CCDC88C: variants seen among roughly 807,000 people sequenced by gnomAD.
CCDC88C encodes the protein protein Daple.
A neutral mutation model predicts 198.8 loss-of-function variants in CCDC88C; 131 were observed. That is an observed-to-expected ratio of 0.66 (90% confidence interval 0.57 to 0.76). The LOEUF is 0.76. CCDC88C is among the 30% of genes least tolerant of loss of function. The pLI is 0.00. For synonymous variants in CCDC88C, 1,166 were observed against 1,114.7 expected (o/e 1.05, Z -0.92); for missense variants, 2,553 against 2,631.6 (o/e 0.97, Z 0.65).
intron 3 of CCDC88C, among the ~76,000 whole-genome samples, chr14:91,396,816 G>C (rs1424738292): frequency 6.6e-6 from 1 of 152,126 alleles, no homozygotes; most frequent in East Asian, 1.9e-4. Flanking sequence ...GCAACACAGG[G>C]AGACTCTGTC....
intron 16 of CCDC88C, 36 bp downstream of exon 16, chr14:91,309,823 G>C: frequency 1.3e-6 from 2 of 1,587,834 alleles, no homozygotes; most frequent in Non-Finnish European, 1.7e-6. Context: ...TGGAGGAAGT[G>C]CTCCCACGAT....
intron 3 of CCDC88C, among the ~76,000 whole-genome samples, chr14:91,385,800 T>TAA (rs35840990): frequency 3.4e-5 from 5 of 147,914 alleles, no homozygotes; most frequent in Admixed American, 6.7e-5. Flanking sequence ...CCTGCCTCTT[T>TAA]AAAAAAAAAA....
chr14:91,384,318 A>C, intron 3 of CCDC88C: 1 of 356,340 alleles, frequency 2.8e-6, no homozygotes, highest in South Asian at 2.1e-5. Flanking sequence ...TTAGGCTGCA[A>C]AAACAAAAAC....
intron 3 of CCDC88C, among the ~76,000 whole-genome samples, chr14:91,390,096 TAA>T (rs373819677): frequency 3.7e-5 from 5 of 135,440 alleles, no homozygotes; most frequent in African/African-American, 1.4e-4. Flanking sequence ...AGAAAAAGGA[TAA>T]AAAAAAAAAA....
chr14:91,304,769 T>C (rs1490691182), intron 19 of CCDC88C, among the ~76,000 whole-genome samples: 1 of 152,222 alleles, frequency 6.6e-6, no homozygotes, highest in Non-Finnish European at 1.5e-5. Flanking sequence ...TCCCAAATCA[T>C]TTTATGAAGC....
chr14:91,388,335 T>C (rs1885276134), intron 3 of CCDC88C, among the ~76,000 whole-genome samples: 1 of 152,170 alleles, frequency 6.6e-6, no homozygotes, highest in South Asian at 2.1e-4. Context: ...CCACCTCCCA[T>C]GTAAAATGAG....
At chr14:91,368,352 ATTTG>A (rs1177659899) in intron 3 of CCDC88C, among the ~76,000 whole-genome samples, 1 of 152,224 alleles carries the variant, frequency 6.6e-6, no homozygotes, top group Non-Finnish European at 1.5e-5. Flanking sequence ...AAAGCTTCGA[ATTTG>A]TTTTAGAATT....
At chr14:91,331,871 C>A (rs1220021302) in intron 10 of CCDC88C, among the ~76,000 whole-genome samples, 2 of 152,154 alleles carry the variant, frequency 1.3e-5, no homozygotes, top group Non-Finnish European at 2.9e-5. Context: ...CTGTGCCCAG[C>A]TAGGTCTCTG....
intron 3 of CCDC88C, among the ~76,000 whole-genome samples, chr14:91,398,176 A>G (rs1423574583): frequency 6.6e-6 from 1 of 152,180 alleles, no homozygotes; most frequent in East Asian, 1.9e-4. Context: ...CTGCTATCTG[A>G]TATGCCTGGA....
At chr14:91,405,527 T>C (rs1039080073) in intron 3 of CCDC88C, among the ~76,000 whole-genome samples, 4 of 152,040 alleles carry the variant, frequency 2.6e-5, no homozygotes, top group Non-Finnish European at 4.4e-5. Context: ...GTTATGTTTG[T>C]GCTATAATGT....
At chr14:91,382,350 C>T (rs916984834) in intron 3 of CCDC88C, among the ~76,000 whole-genome samples, 1 of 152,134 alleles carries the variant, frequency 6.6e-6, no homozygotes, top group Admixed American at 6.5e-5. Flanking sequence ...TTCCAGAGAC[C>T]CTTTCAACAT....
chr14:91,308,712 C>T (rs182598477), intron 16 of CCDC88C, among the ~76,000 whole-genome samples: 5 of 152,160 alleles, frequency 3.3e-5, no homozygotes, highest in African/African-American at 9.7e-5. Flanking sequence ...GGCGACACCA[C>T]GGCTACAGTT....
At chr14:91,302,203 C>T (rs578103331) in intron 20 of CCDC88C, among the ~76,000 whole-genome samples, 1 of 152,178 alleles carries the variant, frequency 6.6e-6, no homozygotes, top group African/African-American at 2.4e-5. Flanking sequence ...GGCTCCTGAC[C>T]GTGGAGATGT....
At chr14:91,322,189 G>T (rs543872687) in intron 12 of CCDC88C, among the ~76,000 whole-genome samples, 1 of 152,248 alleles carries the variant, frequency 6.6e-6, no homozygotes, top group African/African-American at 2.4e-5. Context: ...CTAATACAGC[G>T]ATTCCTCCCC....
intron 4 of CCDC88C, among the ~76,000 whole-genome samples, chr14:91,349,624 C>T (rs1893697184): frequency 6.6e-6 from 1 of 152,200 alleles, no homozygotes; most frequent in South Asian, 2.1e-4. Flanking sequence ...CTGGGGGAAT[C>T]CCAGGACGGC....
chr14:91,358,659 G>A (rs1246074241), intron 4 of CCDC88C, among the ~76,000 whole-genome samples: 1 of 152,164 alleles, frequency 6.6e-6, no homozygotes, highest in Non-Finnish European at 1.5e-5. Context: ...CATTTAATTT[G>A]GTCTTTCTTT....
At chr14:91,358,990 A>G (rs1000835003) in intron 4 of CCDC88C, among the ~76,000 whole-genome samples, 1 of 152,168 alleles carries the variant, frequency 6.6e-6, no homozygotes, top group East Asian at 1.9e-4. Flanking sequence ...TCTCTTGTCT[A>G]AGGTACCACA....
chr14:91,299,877 G>A (rs1415665130), intron 21 of CCDC88C, 50 bp downstream of exon 21: 1 of 1,520,334 alleles, frequency 6.6e-7, no homozygotes, highest in South Asian at 1.2e-5. Context: ...AGGAGAGTCT[G>A]AACAGAATCT....
chr14:91,339,819 G>A lies in CCDC88C; in HGVS notation c.624+65C>T. ...CGAGGCGTCTAGGCTGAAGATGAAGGGAGAGGAGATGAAGGGGCCTAAGCC... is the reference window on the plus strand; with the variant it reads ...CGAGGCGTCTAGGCTGAAGATGAAGAGAGAGGAGATGAAGGGGCCTAAGCC... On this transcript the variant is annotated intron_variant, in intron 7 of 29. Coordinates refer to ENST00000389857, the MANE Select transcript of CCDC88C (RefSeq NM_001080414.4). This position sits in a 1 kb window ranked among gnomAD's most constrained non-coding sequence, Gnocchi z 5.8. 2.0e-6 allele frequency: 3 copies of A among 1,483,962 alleles called. No individual in the cohort carries two copies. The highest frequency in any genetic ancestry group is 4.9e-5 in the East Asian group (2 of 40,460). 91.9% of individuals were successfully genotyped at this position (1,483,962 alleles called of 1,614,324 possible). A position where few individuals can be genotyped will look rare whatever the true frequency, so the allele number is the denominator to read the frequency against.
Sources: allele counts gnomAD v4.1 joint callset (sites outside exome capture counted in the v4.1 genomes callset), GRCh38; gene constraint gnomAD v4.1.1; non-coding constraint Gnocchi (gnomAD v3.1); transcripts MANE v1.5; gene names NCBI Gene and HGNC (gene_info 2026-07-23, HGNC 2026-07-21).